The following DTNBP1 variants were observed in gnomAD, a reference collection of about 807,000 sequenced individuals.
DTNBP1 encodes dysbindin.
Under a neutral mutation model 42.8 loss-of-function variants are expected in DTNBP1, and 35 were observed. The observed-to-expected ratio is 0.82, with a 90% CI of 0.63 to 1.09. The LOEUF is 1.09. DTNBP1 is among the 50% of genes least tolerant of loss of function. DTNBP1 has a pLI of 0.00. For missense variants in DTNBP1, 457 were observed against 424.2 expected (o/e 1.08, Z -0.68); for synonymous variants, 171 against 162.2 (o/e 1.05, Z -0.41).
rs1351406195 is a variant in DTNBP1, at chr6:15,572,921, G to A, written c.511+20138C>T. Among the ~76,000 whole-genome samples the A allele has an allele frequency of 3.3e-5, 5 of 151,944 alleles. No homozygotes were observed. In the South Asian group the frequency reaches 1.0e-3, roughly 32 times the overall value. ...TAATTTTTTAATTATTTGTAGAGAC[G>A]AGGTCTCACTCTGTTGCCCAGGCTG... On this transcript the variant is annotated intron_variant, in intron 7 of 9. Transcript: ENST00000344537.
At chr6:15,655,147 G>C (rs1761212350) in intron 1 of DTNBP1, among the ~76,000 whole-genome samples, 1 of 151,868 alleles carries the variant, frequency 6.6e-6, no homozygotes, top group Non-Finnish European at 1.5e-5. Context: ...TTTGAGACAG[G>C]GTCTTGCTGT....
At chr6:15,559,559 C>G (rs143417493) in intron 7 of DTNBP1, among the ~76,000 whole-genome samples, 1 of 152,262 alleles carries the variant, frequency 6.6e-6, no homozygotes, top group East Asian at 1.9e-4. Flanking sequence ...AAAAAGAGCT[C>G]ACGGTCACTG....
At chr6:15,600,285 C>T (rs1318182476) in intron 6 of DTNBP1, among the ~76,000 whole-genome samples, 2 of 152,142 alleles carry the variant, frequency 1.3e-5, no homozygotes, top group African/African-American at 4.8e-5. Context: ...TTGGTTCTGG[C>T]CCAGCACCGC....
At chr6:15,647,262 AT>A (rs1435827520) in intron 3 of DTNBP1, among the ~76,000 whole-genome samples, 1 of 151,924 alleles carries the variant, frequency 6.6e-6, no homozygotes, top group African/African-American at 2.4e-5. Context: ...AGCATCACTA[AT>A]CATCAGAGCA....
chr6:15,630,693 G>A (rs1057173527), intron 4 of DTNBP1, among the ~76,000 whole-genome samples: 21 of 152,236 alleles, frequency 1.4e-4, no homozygotes, highest in African/African-American at 4.3e-4. Context: ...TGAGGCTGGC[G>A]GATCATGAGG....
intron 7 of DTNBP1, among the ~76,000 whole-genome samples, chr6:15,543,254 G>A (rs1025695670): frequency 6.6e-6 from 1 of 151,996 alleles, no homozygotes; most frequent in South Asian, 2.1e-4. Context: ...ATAATTATAG[G>A]TTCATAGGAT....
At chr6:15,614,374 C>T (rs1036082647) in intron 6 of DTNBP1, among the ~76,000 whole-genome samples, 19 of 151,916 alleles carry the variant, frequency 1.3e-4, no homozygotes, top group Non-Finnish European at 4.4e-5. Flanking sequence ...CTCTGCCCAA[C>T]CTATCCATCT....
At chr6:15,544,780 G>A (rs1773778691) in intron 7 of DTNBP1, among the ~76,000 whole-genome samples, 1 of 152,170 alleles carries the variant, frequency 6.6e-6, no homozygotes, top group South Asian at 2.1e-4. Flanking sequence ...CTAGTCCCAA[G>A]TATTTCAGAT....
chr6:15,647,263 T>C (rs1581432976), intron 3 of DTNBP1, among the ~76,000 whole-genome samples: 2 of 151,822 alleles, frequency 1.3e-5, no homozygotes, highest in African/African-American at 4.8e-5. Context: ...GCATCACTAA[T>C]CATCAGAGCA....
chr6:15,618,027 G>A (rs1028268794), intron 5 of DTNBP1, among the ~76,000 whole-genome samples: 1 of 152,086 alleles, frequency 6.6e-6, no homozygotes, highest in Non-Finnish European at 1.5e-5. Flanking sequence ...TACTGGGACT[G>A]CTGGCCATAT....
rs111777785 is a variant in DTNBP1, at chr6:15,523,798, T to C, written c.812-579A>G. 1,022 of 1,287,124 alleles carry C rather than the reference T, an allele frequency of 7.9e-4. 6 individuals carry two copies. In the African/African-American group the frequency reaches 0.014, roughly 17 times the overall value. The allele number at this position is 1,287,124 out of a possible 1,614,324, so 79.7% of individuals were successfully genotyped here. A position where few individuals can be genotyped will look rare whatever the true frequency, so the allele number is the denominator to read the frequency against. On this transcript the variant is annotated intron_variant, in intron 9 of 9. Transcript: ENST00000344537. ...TGAGGGCAAATGCACCCAAGCTCCT[T>C]CTCTTCCCCAGGATGACACCGTTCT...
intron 3 of DTNBP1, among the ~76,000 whole-genome samples, chr6:15,647,014 C>T (rs1465013994): frequency 6.6e-6 from 1 of 150,916 alleles, no homozygotes; most frequent in South Asian, 2.1e-4. Context: ...ACAAATGGGA[C>T]TTAAACTAAA....
intron 8 of DTNBP1, among the ~76,000 whole-genome samples, chr6:15,527,821 C>T (rs777404650): frequency 1.6e-4 from 24 of 152,066 alleles, no homozygotes; most frequent in South Asian, 4.1e-4. Context: ...AAGGGGGAGA[C>T]GCACACCATG....
At chr6:15,592,852 C>CA (rs1247327738) in intron 7 of DTNBP1, among the ~76,000 whole-genome samples, 1 of 152,132 alleles carries the variant, frequency 6.6e-6, no homozygotes, top group East Asian at 1.9e-4. Context: ...TTATAAAGGT[C>CA]ATTAGCAGGA....
rs1487717048 is a variant in DTNBP1 at position 15,524,589 on chromosome 6, C to A, written c.748G>T (p.Glu250Ter). 6.2e-7 allele frequency: 1 copy of A among 1,613,368 alleles called. No homozygotes were observed. Among genetic ancestry groups the A allele is most frequent in the Non-Finnish European group, 8.5e-7 (1 of 1,179,676 alleles). ...QMDLMDISDQ[E>*]ALDVFLNSGG... ...GAGTTCAGGAAGACGTCCAGGGCCTCCTGGTCCGATATGTCCATCAGGTCC... is the reference window on the plus strand; with the variant it reads ...GAGTTCAGGAAGACGTCCAGGGCCTACTGGTCCGATATGTCCATCAGGTCC... Residue 250 changes from glutamate to a stop codon, truncating the protein, a stop_gained, in exon 9 of 10, where the codon GAG becomes TAG. Coordinates refer to ENST00000344537, the MANE Select transcript of DTNBP1 (RefSeq NM_032122.5). LOFTEE classifies it high-confidence loss of function.
chr6:15,529,163 T>G (rs1450014875), intron 8 of DTNBP1, among the ~76,000 whole-genome samples: 1 of 152,158 alleles, frequency 6.6e-6, no homozygotes, highest in Non-Finnish European at 1.5e-5. Flanking sequence ...TGCACACCTG[T>G]CGTCTCAGCT....
chr6:15,609,055 C>T (rs1194775710), intron 6 of DTNBP1, among the ~76,000 whole-genome samples: 1 of 152,146 alleles, frequency 6.6e-6, no homozygotes, highest in Non-Finnish European at 1.5e-5. Context: ...AGTACTCAAA[C>T]ATGGGACTTA....
chr6:15,654,270 A>G (rs1452500732), intron 1 of DTNBP1, among the ~76,000 whole-genome samples: 1 of 152,234 alleles, frequency 6.6e-6, no homozygotes, highest in East Asian at 1.9e-4. Flanking sequence ...TTAAACCAAG[A>G]TTAAGCAAAA....
chr6:15,602,633 A>C (rs909602327), intron 6 of DTNBP1, among the ~76,000 whole-genome samples: 6 of 152,236 alleles, frequency 3.9e-5, no homozygotes, highest in African/African-American at 1.4e-4. Flanking sequence ...AAAACACTGA[A>C]AGTTATTACA....
Sources: gnomAD v4.1 joint callset for allele counts (sites outside exome capture counted in the v4.1 genomes callset) on GRCh38, gnomAD v4.1.1 for gene constraint, MANE v1.5 for transcripts, NCBI Gene and HGNC (gene_info 2026-07-23, HGNC 2026-07-21) for gene names.